Variants in EFCAB14 observed in about 807,000 individuals in gnomAD.
EFCAB14 encodes the protein EF-hand calcium-binding domain-containing protein 14.
Under a neutral mutation model 56.5 loss-of-function variants are expected in EFCAB14, and 43 were observed. That is an observed-to-expected ratio of 0.76 (90% CI 0.60 to 0.98). EFCAB14 has a LOEUF of 0.98. Ranked by LOEUF, EFCAB14 falls within the 50% of genes least tolerant of loss-of-function variation. EFCAB14 has a pLI of 0.00. For synonymous variants in EFCAB14, 235 were observed against 212.9 expected (o/e 1.10, Z -0.90); for missense variants, 538 against 580.3 (o/e 0.93, Z 0.75).
Position 46,718,167 on chromosome 1 carries a change from G to C in EFCAB14, c.-80C>G. 1 of 1,491,090 alleles carries C rather than the reference G, an allele frequency of 6.7e-7. No individual in the cohort carries two copies. The highest frequency in any genetic ancestry group is 9.1e-7 in the Non-Finnish European group (1 of 1,092,958). The allele number at this position is 1,491,090 out of a possible 1,614,324, so 92.4% of individuals were successfully genotyped here. A position where few individuals can be genotyped will look rare whatever the true frequency, so the allele number is the denominator to read the frequency against. On this transcript the variant is annotated 5_prime_UTR_variant, in exon 1 of 11. Coordinates refer to ENST00000371933, the MANE Select transcript of EFCAB14 (RefSeq NM_014774.3). ...GATGCCCAATTCTCTTCCTGCCTTG[G>C]AGCTGCCTTCCAGGGTTGGGAATCC...
Position 46,678,514 on chromosome 1 carries a change from C to T in EFCAB14, c.1435G>A (p.Asp479Asn), listed in dbSNP as rs148637456. The T allele has an allele frequency of 1.7e-5, 28 of 1,613,976 alleles. 1 individual carries two copies. In the African/African-American group the frequency reaches 2.3e-4, roughly 13 times the overall value. ...EPESLRAFDS[D>N]GDGRYSFLEL... ...AGGAATGAGTATCTTCCATCTCCATCGGAATCAAATGCTCTCAAGCTCTCT... is the reference window on the plus strand; with the variant it reads ...AGGAATGAGTATCTTCCATCTCCATTGGAATCAAATGCTCTCAAGCTCTCT... Residue 479 changes from aspartate to asparagine, a missense_variant, in exon 11 of 11, where the codon GAT (aspartate) becomes AAT (asparagine). Asp to Asn is a conservative substitution (Grantham distance 23). Transcript: ENST00000371933.
intron 1 of EFCAB14, among the ~76,000 whole-genome samples, chr1:46,717,271 GCT>G (rs1387460873): frequency 6.6e-6 from 1 of 152,144 alleles, no homozygotes; most frequent in Non-Finnish European, 1.5e-5. Context: ...CTTTTAGTGT[GCT>G]CTGAGAGAGT....
intron 4 of EFCAB14, among the ~76,000 whole-genome samples, chr1:46,695,137 G>A (rs1457795028): frequency 6.6e-6 from 1 of 151,670 alleles, no homozygotes; most frequent in African/African-American, 2.4e-5. Flanking sequence ...GAGTTAATGG[G>A]TGCAGCACAC....
At chr1:46,693,631 T>G (rs1677032925) in intron 4 of EFCAB14, among the ~76,000 whole-genome samples, 2 of 152,202 alleles carry the variant, frequency 1.3e-5, no homozygotes. Flanking sequence ...CAATCCTCAC[T>G]GGCTGGATGT....
Position 46,718,643 on chromosome 1 carries a change from G to C in EFCAB14, c.-556C>G, listed in dbSNP as rs758642368. On this transcript the variant is annotated 5_prime_UTR_variant, in exon 1 of 11. Coordinates refer to ENST00000371933, the MANE Select transcript of EFCAB14 (RefSeq NM_014774.3). The stretch of plus-strand genomic sequence containing the variant: ...CTTGCAGGAGAGGTGGCGGCAGGAG[G>C]GGGCTCCCAGCAGCTACAATCCCAA... The C allele has an allele frequency of 6.5e-6, 1 of 152,744 alleles. No homozygotes were observed. The highest frequency in any genetic ancestry group is 1.5e-5 in the Non-Finnish European group (1 of 68,510). 9.5% of individuals were successfully genotyped at this position (152,744 alleles called of 1,614,324 possible).
chr1:46,700,163 G>T (rs1019201434), intron 3 of EFCAB14, among the ~76,000 whole-genome samples: 1 of 152,166 alleles, frequency 6.6e-6, no homozygotes, highest in Non-Finnish European at 1.5e-5. Context: ...AATGACTGTT[G>T]TTTTAGGCCA....
intron 1 of EFCAB14, among the ~76,000 whole-genome samples, chr1:46,717,236 T>C (rs1395383358): frequency 1.3e-5 from 2 of 152,198 alleles, no homozygotes; most frequent in Non-Finnish European, 2.9e-5. Flanking sequence ...CCATTGTTTC[T>C]ACATCCTCAG....
At chr1:46,693,584 G>A (rs2148843945) in intron 4 of EFCAB14, among the ~76,000 whole-genome samples, 1 of 152,308 alleles carries the variant, frequency 6.6e-6, no homozygotes, top group Middle Eastern at 3.4e-3. Flanking sequence ...TGTTGCAAAA[G>A]CTACAGGCAT....
chr1:46,714,985 A>G (rs1334079116), intron 2 of EFCAB14, among the ~76,000 whole-genome samples: 1 of 152,222 alleles, frequency 6.6e-6, no homozygotes, highest in Non-Finnish European at 1.5e-5. Flanking sequence ...TGGTTGTTGT[A>G]AGCCCTTCAC....
At chr1:46,688,830 T>C (rs571575486) in intron 6 of EFCAB14, among the ~76,000 whole-genome samples, 15 of 152,362 alleles carry the variant, frequency 9.8e-5, no homozygotes, top group Non-Finnish European at 1.6e-4. Context: ...ATTTCCCCAA[T>C]GTTTACCTCA....
rs767388071 is a variant in EFCAB14, at chr1:46,717,854, T to C, written c.185+49A>G. 10 of 1,570,626 alleles carry C rather than the reference T, an allele frequency of 6.4e-6. No homozygotes were observed. In the East Asian group the frequency reaches 1.8e-4, roughly 28 times the overall value. On this transcript the variant is annotated intron_variant, in intron 1 of 10. Transcript: ENST00000371933. ...CCTTCCTGTCAATGTGGCCCCTTGG[T>C]AGTGCAAGGAGATGCCTTCTTCCCA...
Position 46,707,923 on chromosome 1 carries a change from T to C in EFCAB14, c.463A>G (p.Thr155Ala). The change falls in exon 3 of 11, where the codon ACA becomes GCA. Residue 155 changes from threonine to alanine, a missense_variant. Thr to Ala is a moderately conservative substitution (Grantham distance 58, BLOSUM62 0). Transcript: ENST00000371933. Reference protein sequence around the residue: ...MGLNKVWINITEMNKQISLLT... With the variant: ...MGLNKVWINIAEMNKQISLLT... ...TTTAGTACCTGCTTATTCATTTCTG[T>C]GATGTTTATCCAGACTTTGTTCAAA... The C allele has an allele frequency of 6.2e-7, 1 of 1,610,246 alleles. No individual in the cohort carries two copies. Among genetic ancestry groups the C allele is most frequent in the Non-Finnish European group, 8.5e-7 (1 of 1,179,476 alleles).
intron 2 of EFCAB14, among the ~76,000 whole-genome samples, chr1:46,710,326 ATTTC>A (rs1293064014): frequency 6.6e-6 from 1 of 152,198 alleles, no homozygotes; most frequent in East Asian, 1.9e-4. Flanking sequence ...AACATTTATC[ATTTC>A]TTTGTGTCGG....
chr1:46,680,306 A>G (rs1333822710), intron 10 of EFCAB14, among the ~76,000 whole-genome samples: 2 of 152,252 alleles, frequency 1.3e-5, no homozygotes, highest in African/African-American at 4.8e-5. Flanking sequence ...AGTGAGAACA[A>G]TCGAAATGTC....
rs548764532 is a variant in EFCAB14, at chr1:46,696,576, G to A, written c.554C>T (p.Pro185Leu). The change falls in exon 4 of 11, where the codon CCT becomes CTT. Residue 185 changes from proline (P) to leucine (L), a missense_variant. Transcript: ENST00000371933. ...CTTCTGAAGTCCCTCTACAGTGGTA[G>A]GCAGGCTAATCAAGTCTGCAGCTGA... is the stretch of plus-strand genomic sequence containing the variant. ...VKSAADLISL[P>L]TTVEGLQKSV... 4.8e-4 allele frequency: 772 copies of A among 1,613,574 alleles called. 8 individuals are homozygous for A. The South Asian group carries it at 8.1e-3, about 17-fold the overall frequency.
chr1:46,698,715 G>A (rs2148846232), intron 3 of EFCAB14, among the ~76,000 whole-genome samples: 1 of 152,318 alleles, frequency 6.6e-6, no homozygotes, highest in Middle Eastern at 3.4e-3. Context: ...CATAATGTGT[G>A]TGTGTATGTG....
intron 3 of EFCAB14, among the ~76,000 whole-genome samples, chr1:46,700,978 A>T (rs1183878284): frequency 1.1e-5 from 1 of 95,232 alleles, no homozygotes; most frequent in South Asian, 3.3e-4. Flanking sequence ...AGAGAGAGAG[A>T]GTGAGTGAGT....
At chr1:46,714,604 C>A (rs1396349874) in intron 2 of EFCAB14, among the ~76,000 whole-genome samples, 1 of 151,898 alleles carries the variant, frequency 6.6e-6, no homozygotes, top group Non-Finnish European at 1.5e-5. Context: ...CCAGTCTGGG[C>A]AACATAGCAA....
At chr1:46,694,635 GT>G (rs1677051414) in intron 4 of EFCAB14, among the ~76,000 whole-genome samples, 2 of 152,220 alleles carry the variant, frequency 1.3e-5, no homozygotes, top group Non-Finnish European at 2.9e-5. Context: ...TGGTGGGACT[GT>G]AAACTAGTTC....
Sources: allele counts gnomAD v4.1 joint callset (sites outside exome capture counted in the v4.1 genomes callset), GRCh38; gene constraint gnomAD v4.1.1; transcripts MANE v1.5; gene names NCBI Gene and HGNC (gene_info 2026-07-23, HGNC 2026-07-21).